The following PRKD1 variants were observed in gnomAD, a reference collection of about 807,000 sequenced individuals.
The protein encoded by PRKD1 is serine/threonine-protein kinase D1.
PRKD1 carries 63 observed loss-of-function variants against 95.9 expected under a neutral mutation model. The ratio of observed to expected loss-of-function variants is 0.66; its 90% CI spans 0.54 to 0.81. The LOEUF (loss-of-function observed/expected upper bound fraction) is 0.81, where lower values mean the gene tolerates loss of function less well. PRKD1 is among the 30% of genes least tolerant of loss of function. The pLI, the probability that PRKD1 is intolerant of heterozygous loss-of-function variation, is 0.00. For missense variants in PRKD1, 1,048 were observed against 1,165.3 expected (o/e 0.90, Z 1.47); for synonymous variants, 425 against 423.1 (o/e 1.00, Z -0.05).
chr14:29,880,749 C>T (rs760591361), intron 1 of PRKD1, among the ~76,000 whole-genome samples: 1 of 151,690 alleles, frequency 6.6e-6, no homozygotes, highest in East Asian at 1.9e-4. Flanking sequence ...CTACACAAGA[C>T]CATGGGAACC....
At chr14:29,763,786 C>G (rs948815846) in intron 1 of PRKD1, among the ~76,000 whole-genome samples, 13 of 152,072 alleles carry the variant, frequency 8.5e-5, no homozygotes, top group African/African-American at 3.1e-4. Context: ...TCTTTCTGCT[C>G]TCTCCTCCCT....
chr14:29,897,575 T>A (rs993862563), intron 1 of PRKD1, among the ~76,000 whole-genome samples: 2 of 152,154 alleles, frequency 1.3e-5, no homozygotes, highest in Non-Finnish European at 2.9e-5. Flanking sequence ...GTGTCACAGT[T>A]TCCTAATCTG....
chr14:29,873,110 G>T lies in PRKD1; in HGVS notation c.264+54139C>A, dbSNP rs1893170534. Among the ~76,000 whole-genome samples the T allele has an allele frequency of 2.6e-5, 4 of 151,870 alleles. No individual in the cohort carries two copies. The South Asian group carries it at 8.3e-4, about 32-fold the overall frequency. Reference sequence around the variant, plus strand: ...ATTTTACTTTTTATTTTTTGAGATGGAGTCTCGCTCTATCACCCAGGCTGG... The same window carrying T: ...ATTTTACTTTTTATTTTTTGAGATGTAGTCTCGCTCTATCACCCAGGCTGG... On this transcript the variant is annotated intron_variant, in intron 1 of 17. Coordinates refer to ENST00000331968, the MANE Select transcript of PRKD1 (RefSeq NM_002742.3).
At chr14:29,893,630 T>C (rs1023685526) in intron 1 of PRKD1, among the ~76,000 whole-genome samples, 12 of 152,206 alleles carry the variant, frequency 7.9e-5, no homozygotes, top group Non-Finnish European at 1.5e-5. Flanking sequence ...TATTAAAAGA[T>C]GAGAAACACC....
intron 4 of PRKD1, among the ~76,000 whole-genome samples, chr14:29,649,033 A>T (rs766366158): frequency 5.9e-5 from 9 of 152,040 alleles, no homozygotes; most frequent in Non-Finnish European, 1.0e-4. Flanking sequence ...GCCATTTTTA[A>T]AACTTCACAG....
chr14:29,890,756 C>CAGAAACAAATTATACCA (rs1419812544), intron 1 of PRKD1, among the ~76,000 whole-genome samples: 1 of 152,096 alleles, frequency 6.6e-6, no homozygotes, highest in Non-Finnish European at 1.5e-5. Flanking sequence ...AGTACAAACA[C>CAGAAACAAATTATACCA]AGAAACAAAT....
intron 2 of PRKD1, among the ~76,000 whole-genome samples, chr14:29,696,454 A>C (rs991279230): frequency 1.3e-5 from 2 of 152,158 alleles, no homozygotes; most frequent in African/African-American, 4.8e-5. Flanking sequence ...CCTATGTTTC[A>C]CATTTTCTAC....
At chr14:29,619,402 G>A (rs1020526501) in intron 13 of PRKD1, among the ~76,000 whole-genome samples, 1 of 152,192 alleles carries the variant, frequency 6.6e-6, no homozygotes, top group East Asian at 1.9e-4. Context: ...TGGTGTTTCT[G>A]TACAACTTTA....
intron 1 of PRKD1, among the ~76,000 whole-genome samples, chr14:29,766,971 A>G (rs1888285852): frequency 2.0e-5 from 3 of 152,110 alleles, no homozygotes; most frequent in Admixed American, 6.6e-5. Context: ...TCTTCTCCCA[A>G]TTGAATTGTT....
At chr14:29,866,873 C>A (rs1272845392) in intron 1 of PRKD1, among the ~76,000 whole-genome samples, 1 of 152,140 alleles carries the variant, frequency 6.6e-6, no homozygotes, top group Non-Finnish European at 1.5e-5. Flanking sequence ...AAGTCTGGAG[C>A]ACTTGAAGGC....
At chr14:29,856,729 G>A (rs2139350169) in intron 1 of PRKD1, among the ~76,000 whole-genome samples, 1 of 152,310 alleles carries the variant, frequency 6.6e-6, no homozygotes, top group South Asian at 2.1e-4. Flanking sequence ...GCCTGCTGAA[G>A]TTTGGGTACC....
chr14:29,922,958 C>T (rs1365060341), intron 1 of PRKD1, among the ~76,000 whole-genome samples: 1 of 152,034 alleles, frequency 6.6e-6, no homozygotes, highest in African/African-American at 2.4e-5. Flanking sequence ...GTGGCTCACA[C>T]CCAGTGGGAT....
At chr14:29,685,969 T>C (rs1418385164) in intron 2 of PRKD1, among the ~76,000 whole-genome samples, 1 of 152,220 alleles carries the variant, frequency 6.6e-6, no homozygotes, top group Non-Finnish European at 1.5e-5. Context: ...TTTATTTCCA[T>C]TTTAAAGTCT....
At chr14:29,713,676 A>G (rs1885446894) in intron 2 of PRKD1, among the ~76,000 whole-genome samples, 2 of 152,290 alleles carry the variant, frequency 1.3e-5, no homozygotes, top group South Asian at 2.1e-4. Flanking sequence ...CAAATAGTCT[A>G]TATATTTTAT....
chr14:29,862,420 T>C (rs1430747399), intron 1 of PRKD1, among the ~76,000 whole-genome samples: 2 of 152,196 alleles, frequency 1.3e-5, no homozygotes, highest in African/African-American at 4.8e-5. Context: ...CTGTATTGTA[T>C]GGTAGCTCTA....
chr14:29,651,308 A>C (rs1489276390), intron 4 of PRKD1, among the ~76,000 whole-genome samples: 2 of 152,222 alleles, frequency 1.3e-5, no homozygotes, highest in East Asian at 3.8e-4. Context: ...CTACACAAAA[A>C]TAGATACCAC....
At chr14:29,622,555 A>G (rs1435603643) in intron 13 of PRKD1, among the ~76,000 whole-genome samples, 1 of 151,868 alleles carries the variant, frequency 6.6e-6, no homozygotes, top group Non-Finnish European at 1.5e-5. Context: ...GGCACCTGCC[A>G]CCACACCCGG....
intron 2 of PRKD1, among the ~76,000 whole-genome samples, chr14:29,674,973 T>C (rs1028304384): frequency 2.0e-5 from 3 of 152,208 alleles, no homozygotes; most frequent in Non-Finnish European, 2.9e-5. Context: ...CAACAAAACC[T>C]TGAAAAGCTG....
chr14:29,836,226 T>G (rs1026058891), intron 1 of PRKD1, among the ~76,000 whole-genome samples: 1 of 152,168 alleles, frequency 6.6e-6, no homozygotes, highest in Non-Finnish European at 1.5e-5. Flanking sequence ...TGGAGCTGAT[T>G]TGAGGGGCTG....
Sources: allele counts gnomAD v4.1 joint callset (sites outside exome capture counted in the v4.1 genomes callset), GRCh38; gene constraint gnomAD v4.1.1; transcripts MANE v1.5; gene names NCBI Gene and HGNC (gene_info 2026-07-23, HGNC 2026-07-21).